ST7: variants seen among roughly 807,000 people sequenced by gnomAD.
ST7 encodes the protein suppressor of tumorigenicity 7 protein.
ST7 carries 28 observed loss-of-function variants against 78.7 expected under a neutral mutation model. The observed-to-expected ratio is 0.36, with a 90% confidence interval of 0.26 to 0.49. The LOEUF (loss-of-function observed/expected upper bound fraction) is 0.49, where lower values mean the gene tolerates loss of function less well. ST7 is among the 20% of genes least tolerant of loss of function. The probability of loss-of-function intolerance (pLI) is 0.99; values close to 1 mark genes in which losing one functional copy is unlikely to be tolerated. For synonymous variants in ST7, 247 were observed against 249.6 expected, an observed-to-expected ratio of 0.99 and a Z score of 0.10; for missense variants, 418 against 696.0, an observed-to-expected ratio of 0.60 and a Z score of 4.49.
chr7:117,143,911 A>G (rs1317029836), intron 9 of ST7, among the ~76,000 whole-genome samples: 2 of 152,206 alleles, frequency 1.3e-5, no homozygotes, highest in Non-Finnish European at 2.9e-5. Flanking sequence ...AATATATGCT[A>G]ATATAGACTA....
At chr7:117,206,658 G>C (rs1791790781) in intron 12 of ST7, among the ~76,000 whole-genome samples, 1 of 152,198 alleles carries the variant, frequency 6.6e-6, no homozygotes, top group Non-Finnish European at 1.5e-5. Flanking sequence ...ATTATATGTA[G>C]ATGCTCTGGT....
Position 117,002,888 on chromosome 7 carries a change from T to C in ST7, c.151+49197T>C, listed in dbSNP as rs1269317817. Among the ~76,000 whole-genome samples the C allele has an allele frequency of 3.4e-5, 4 of 117,668 alleles. 1 individual carries two copies. Among genetic ancestry groups the C allele is most frequent in the African/African-American group, 1.3e-4 (4 of 30,536 alleles). 77.2% of individuals were successfully genotyped at this position (117,668 alleles called of 152,430 possible). A position where few individuals can be genotyped will look rare whatever the true frequency, so the allele number is the denominator to read the frequency against. On this transcript the variant is annotated intron_variant, in intron 1 of 15. Coordinates refer to ENST00000323984, the MANE Select transcript of ST7 (RefSeq NM_001369598.1). ...GCCCAGGCTGGAGTGCAAGGGCCAATCTCGGCTCACTGCTAACTCTGCCTC... is the reference window on the plus strand; with the variant it reads ...GCCCAGGCTGGAGTGCAAGGGCCAACCTCGGCTCACTGCTAACTCTGCCTC...
chr7:117,113,808 C>G (rs1452146748), intron 2 of ST7, among the ~76,000 whole-genome samples: 1 of 152,036 alleles, frequency 6.6e-6, no homozygotes, highest in African/African-American at 2.4e-5. Context: ...ATTAGAATCT[C>G]TAGAGGAGGG....
chr7:117,123,121 C>T (rs1020221550), intron 3 of ST7, among the ~76,000 whole-genome samples: 2 of 151,978 alleles, frequency 1.3e-5, no homozygotes, highest in African/African-American at 2.4e-5. Context: ...ACATGGCTCA[C>T]AAAGTCTCAT....
chr7:117,033,146 T>C (rs1181005477), intron 1 of ST7, among the ~76,000 whole-genome samples: 1 of 152,204 alleles, frequency 6.6e-6, no homozygotes, highest in Non-Finnish European at 1.5e-5. Context: ...ATAGGTTAAT[T>C]ATTTTTGAAG....
At chr7:117,110,571 G>A (rs1239766621) in intron 2 of ST7, among the ~76,000 whole-genome samples, 6 of 152,202 alleles carry the variant, frequency 3.9e-5, no homozygotes, top group Non-Finnish European at 7.3e-5. Flanking sequence ...GCCATCTTGT[G>A]CAGGCAGCCT....
At chr7:117,155,024 C>T (rs573933999) in intron 9 of ST7, among the ~76,000 whole-genome samples, 4 of 152,070 alleles carry the variant, frequency 2.6e-5, no homozygotes, top group South Asian at 4.2e-4. Context: ...GGAGGGGAGA[C>T]ATGAATGATA....
At position 117,131,969 on chromosome 7, in the gene ST7, G is replaced by T. The variant is rs753131264; in HGVS notation, c.641+9G>T. On this transcript the variant is annotated intron_variant, in intron 6 of 15. Transcript: ENST00000323984. ...GCCTTGGAGATAAATGAGTAAGTGG[G>T]GGAAAATCTTGCTGTTAAAAAGGAA... The T allele has an allele frequency of 6.2e-7, 1 of 1,610,020 alleles. No individual in the cohort carries two copies. Among genetic ancestry groups the T allele is most frequent in the Non-Finnish European group, 8.5e-7 (1 of 1,177,420 alleles).
chr7:117,137,489 T>C (rs1378099347), intron 8 of ST7: 2 of 152,156 alleles, frequency 1.3e-5, no homozygotes, highest in Non-Finnish European at 2.9e-5. Context: ...TTCTTTCTTT[T>C]CTTCTCTAAA....
intron 1 of ST7, chr7:116,967,559 T>C (rs10259701): frequency 0.013 from 4,786 of 361,764 alleles, 200 homozygotes; most frequent in African/African-American, 0.089. Context: ...TGACCTGCGA[T>C]AAAAAATGAT....
chr7:117,199,685 C>T lies in ST7; in HGVS notation c.1254+8749C>T, dbSNP rs77008454. ...CACTTATTGAGCACTAATTATGTGCCAGCCACTGGGACGCTGGTCAGAACA... is the reference window on the plus strand; with the variant it reads ...CACTTATTGAGCACTAATTATGTGCTAGCCACTGGGACGCTGGTCAGAACA... On this transcript the variant is annotated intron_variant, in intron 12 of 15. Coordinates refer to ENST00000323984, the MANE Select transcript of ST7 (RefSeq NM_001369598.1). Among the ~76,000 whole-genome samples, 91 of 152,278 alleles carry T rather than the reference C, an allele frequency of 6.0e-4. No individual in the cohort carries two copies. The Middle Eastern group carries it at 0.02, about 34-fold the overall frequency.
intron 3 of ST7, among the ~76,000 whole-genome samples, chr7:117,127,198 T>G (rs1803923498): frequency 6.6e-6 from 1 of 151,820 alleles, no homozygotes; most frequent in South Asian, 2.1e-4. Context: ...AATAAGGAAT[T>G]TATTCCTTAA....
intron 2 of ST7, among the ~76,000 whole-genome samples, chr7:117,105,999 T>TTTTTG (rs748325774): frequency 2.8e-5 from 3 of 106,990 alleles, no homozygotes; most frequent in African/African-American, 1.2e-4. Context: ...TTTGTTTTTG[T>TTTTTG]TTTTTTTTTT....
chr7:117,001,515 A>G (rs985133825), intron 1 of ST7, among the ~76,000 whole-genome samples: 5 of 152,190 alleles, frequency 3.3e-5, no homozygotes, highest in Admixed American at 1.3e-4. Context: ...AGTAGTTAGT[A>G]AGGTGATAAA....
intron 10 of ST7, chr7:117,187,651 C>T (rs527250988): frequency 1.3e-5 from 2 of 152,298 alleles, no homozygotes; most frequent in East Asian, 3.9e-4. Context: ...CCATCAAACA[C>T]AACTTGATCT....
intron 10 of ST7, among the ~76,000 whole-genome samples, chr7:117,183,270 A>G (rs1185302880): frequency 1.3e-5 from 2 of 152,076 alleles, no homozygotes; most frequent in Admixed American, 6.5e-5. Flanking sequence ...TACTAAAAAT[A>G]CAAAAATTAT....
chr7:117,202,957 T>C (rs1811019913), intron 12 of ST7, among the ~76,000 whole-genome samples: 1 of 152,200 alleles, frequency 6.6e-6, no homozygotes, highest in African/African-American at 2.4e-5. Context: ...CAGTGGGCCC[T>C]GCAGAACCGA....
intron 3 of ST7, among the ~76,000 whole-genome samples, chr7:117,123,376 G>A (rs779183905): frequency 3.3e-5 from 5 of 152,142 alleles, no homozygotes; most frequent in African/African-American, 4.8e-5. Context: ...CAGGCAGATT[G>A]TGCATATATT....
At chr7:117,123,135 T>C (rs1400628371) in intron 3 of ST7, among the ~76,000 whole-genome samples, 1 of 152,136 alleles carries the variant, frequency 6.6e-6, no homozygotes, top group Non-Finnish European at 1.5e-5. Flanking sequence ...GTCTCATGGA[T>C]GTTGGCAAAG....
Sources: allele counts gnomAD v4.1 joint callset (sites outside exome capture counted in the v4.1 genomes callset), GRCh38; gene constraint gnomAD v4.1.1; transcripts MANE v1.5; gene names NCBI Gene and HGNC (gene_info 2026-07-23, HGNC 2026-07-21).